Variants in DCHS2 observed in about 807,000 individuals in gnomAD.
DCHS2 encodes the protein dachsous cadherin-related 2.
A neutral mutation model predicts 182.4 loss-of-function variants in DCHS2; 142 were observed. The observed-to-expected ratio is 0.78, with a 90% confidence interval of 0.68 to 0.89. The LOEUF (loss-of-function observed/expected upper bound fraction) is 0.89, where lower values mean the gene tolerates loss of function less well. DCHS2 is among the 40% of genes least tolerant of loss of function. The pLI is 0.00. For synonymous variants in DCHS2, 1,740 were observed against 1,663.3 expected (o/e 1.05, Z -1.12); for missense variants, 4,319 against 4,198.6 (o/e 1.03, Z -0.79).
intron 14 of DCHS2, among the ~76,000 whole-genome samples, chr4:154,263,500 C>T (rs536506633): frequency 1.0e-3 from 154 of 151,896 alleles, no homozygotes; most frequent in Admixed American, 3.0e-3. Context: ...TTAGTAAGTA[C>T]TAACAGCTCA....
chr4:154,242,758 G>A lies in DCHS2; in HGVS notation c.6956C>T (p.Ala2319Val), dbSNP rs1225599715. The A allele has an allele frequency of 1.2e-6, 2 of 1,608,116 alleles. No individual in the cohort carries two copies. The highest frequency in any genetic ancestry group is 2.2e-5 in the East Asian group (1 of 44,548). ...AAGCCTGGGCATCCCTTTATCTGTG[G>A]CTTGGACAATCAAGCTGGTTTGGAA... is the stretch of plus-strand genomic sequence containing the variant. ...LTSSYSLIVQ[A>V]TDKGMPRLSN... The change falls in exon 17 of 20, where the codon GCC becomes GTC. Residue 2319 changes from alanine to valine, a missense_variant. Physicochemically the swap from Ala to Val is moderately conservative, Grantham distance 64. Coordinates refer to ENST00000357232, the MANE Select transcript of DCHS2 (RefSeq NM_001358235.2).
intron 1 of DCHS2, among the ~76,000 whole-genome samples, chr4:154,384,651 T>G (rs542482831): frequency 6.6e-6 from 1 of 152,282 alleles, no homozygotes; most frequent in African/African-American, 2.4e-5. Flanking sequence ...GGGTCCTATA[T>G]CCAACAAATG....
chr4:154,238,975 T>G (rs906524069), intron 19 of DCHS2, among the ~76,000 whole-genome samples, 195 bp downstream of exon 19: 1 of 152,022 alleles, frequency 6.6e-6, no homozygotes, highest in African/African-American at 2.4e-5. Context: ...GCCACTGAGA[T>G]GTTGGAGAAG....
Position 154,490,930 on chromosome 4 carries a change from G to C in DCHS2, c.426C>G (p.Val142=). The stretch of plus-strand genomic sequence containing the variant: ...CCACAGCGCCCAGCAGCGTGGCGGC[G>C]ACGAAGCTGTAGTGGTCCCGCCGCT... The part of the protein sequence containing the change: ...DRERRDHYSF[V]AATLLGAVVQ... The change falls in exon 1 of 20, where the codon GTC becomes GTG. Residue 142 remains valine, a synonymous_variant. Transcript: ENST00000357232. 1 of 1,551,078 alleles carries C rather than the reference G, an allele frequency of 6.4e-7. No homozygotes were observed. Among genetic ancestry groups the C allele is most frequent in the Non-Finnish European group, 8.7e-7 (1 of 1,146,862 alleles).
At chr4:154,343,531 C>T in intron 3 of DCHS2, 1 of 1,521,254 alleles carries the variant, frequency 6.6e-7, no homozygotes, top group Non-Finnish European at 8.8e-7. Flanking sequence ...TCAGCACTTG[C>T]TGCTTCATCT....
rs758486131 is a variant in DCHS2, at chr4:154,320,694, G to T, written c.4705C>A (p.Leu1569Ile). 6.2e-7 allele frequency: 1 copy of T among 1,614,114 alleles called. No individual in the cohort carries two copies. Among genetic ancestry groups the T allele is most frequent in the South Asian group, 1.1e-5 (1 of 91,090 alleles). ...PFLIHPSFGT[L>I]VTVSRLDRES... is the part of the protein sequence containing the mutation. Reference sequence around the variant, plus strand: ...CTGTCAAGACGGGACACAGTGACTAGTGTGCCAAATGAGGGGTGGATGAGA... The same window carrying T: ...CTGTCAAGACGGGACACAGTGACTATTGTGCCAAATGAGGGGTGGATGAGA... Residue 1569 changes from leucine (L) to isoleucine (I), a missense_variant, in exon 9 of 20, where the codon CTA becomes ATA. Coordinates refer to ENST00000357232, the MANE Select transcript of DCHS2 (RefSeq NM_001358235.2).
At chr4:154,483,381 T>G (rs151213221) in intron 1 of DCHS2, among the ~76,000 whole-genome samples, 3 of 151,214 alleles carry the variant, frequency 2.0e-5, no homozygotes, top group Non-Finnish European at 4.4e-5. Flanking sequence ...ACATAAGAGG[T>G]AGAGTTGTTC....
chr4:154,285,202 C>T (rs916089146), intron 13 of DCHS2, among the ~76,000 whole-genome samples: 1 of 152,076 alleles, frequency 6.6e-6, no homozygotes, highest in African/African-American at 2.4e-5. Flanking sequence ...TGAAAGAGCC[C>T]TTGGGCCCTG....
chr4:154,436,436 G>A (rs1013480626), intron 1 of DCHS2, among the ~76,000 whole-genome samples: 1 of 152,170 alleles, frequency 6.6e-6, no homozygotes, highest in Middle Eastern at 3.4e-3. Context: ...TGCATGAAAA[G>A]CTATTATTTT....
At chr4:154,486,765 G>A (rs1387619301) in intron 1 of DCHS2, among the ~76,000 whole-genome samples, 1 of 152,202 alleles carries the variant, frequency 6.6e-6, no homozygotes, top group Non-Finnish European at 1.5e-5. Flanking sequence ...ATGGAACACA[G>A]AAAGTTCACA....
intron 14 of DCHS2, among the ~76,000 whole-genome samples, chr4:154,263,107 A>G (rs1185587736): frequency 6.6e-6 from 1 of 152,166 alleles, no homozygotes. Flanking sequence ...TTCTTAAGTT[A>G]CTATAATCTT....
chr4:154,441,810 T>C (rs191910808), intron 1 of DCHS2, among the ~76,000 whole-genome samples: 1 of 152,082 alleles, frequency 6.6e-6, no homozygotes, highest in Non-Finnish European at 1.5e-5. Context: ...TTAATAAACA[T>C]AAATGTACAC....
At chr4:154,238,042 C>G (rs1007877524) in intron 19 of DCHS2, among the ~76,000 whole-genome samples, 1 of 151,844 alleles carries the variant, frequency 6.6e-6, no homozygotes, top group Non-Finnish European at 1.5e-5. Context: ...AAAAGTGTTG[C>G]TAAGGATTGA....
intron 1 of DCHS2, among the ~76,000 whole-genome samples, chr4:154,458,448 T>G (rs767936792): frequency 1.1e-4 from 17 of 152,182 alleles, no homozygotes; most frequent in Non-Finnish European, 2.4e-4. Context: ...AATATTCTCT[T>G]GTTCATTATA....
intron 16 of DCHS2, among the ~76,000 whole-genome samples, chr4:154,247,755 T>C (rs932253643): frequency 2.6e-5 from 4 of 151,428 alleles, no homozygotes; most frequent in East Asian, 1.9e-4. Context: ...TTCTAAAAGA[T>C]ACTTTCAACT....
chr4:154,359,625 T>C (rs1203127057), intron 3 of DCHS2, among the ~76,000 whole-genome samples: 3 of 152,054 alleles, frequency 2.0e-5, no homozygotes, highest in African/African-American at 7.2e-5. Flanking sequence ...ATGAAGTATC[T>C]CCTATATTCA....
chr4:154,377,468 G>A (rs1179377797), intron 1 of DCHS2, 24 bp from the exon 2 acceptor site: 1 of 1,581,292 alleles, frequency 6.3e-7, no homozygotes, highest in Admixed American at 1.7e-5. Flanking sequence ...GGGTGATCAG[G>A]AGGAAACAGA....
chr4:154,451,436 A>G (rs749985828), intron 1 of DCHS2, among the ~76,000 whole-genome samples: 15 of 152,148 alleles, frequency 9.9e-5, no homozygotes, highest in Non-Finnish European at 1.8e-4. Context: ...TATCAAATGG[A>G]AGTGTTATTA....
At chr4:154,365,735 G>T (rs1025495420) in intron 3 of DCHS2, among the ~76,000 whole-genome samples, 5 of 151,418 alleles carry the variant, frequency 3.3e-5, no homozygotes, top group Non-Finnish European at 7.4e-5. Flanking sequence ...CTGCAACCTC[G>T]GTTTCCCAGG....
Sources: allele counts gnomAD v4.1 joint callset (sites outside exome capture counted in the v4.1 genomes callset), GRCh38; gene constraint gnomAD v4.1.1; transcripts MANE v1.5; gene names NCBI Gene and HGNC (gene_info 2026-07-23, HGNC 2026-07-21).